Variants in NYAP2 observed in about 807,000 individuals in gnomAD.
NYAP2 encodes the protein neuronal tyrosine-phosphorylated phosphoinositide-3-kinase adaptor 2.
A neutral mutation model predicts 50.4 loss-of-function variants in NYAP2; 23 were observed. That is an observed-to-expected ratio of 0.46 (90% CI 0.33 to 0.65). The LOEUF is 0.65. Among genes scored for constraint, NYAP2 ranks in the 30% least tolerant of loss-of-function variants. The probability of loss-of-function intolerance (pLI) is 0.02; values close to 1 mark genes in which losing one functional copy is unlikely to be tolerated. For missense variants in NYAP2, 885 were observed against 861.0 expected (o/e 1.03, Z -0.35); for synonymous variants, 394 against 365.2 (o/e 1.08, Z -0.90).
At chr2:225,428,789 T>A (rs1357792792) in intron 3 of NYAP2, among the ~76,000 whole-genome samples, 1 of 152,186 alleles carries the variant, frequency 6.6e-6, no homozygotes, top group East Asian at 1.9e-4. Context: ...GGATTATTGA[T>A]CCACATACAC....
chr2:225,657,776 G>A (rs1260429733), downstream of NYAP2, among the ~76,000 whole-genome samples: 1 of 152,088 alleles, frequency 6.6e-6, no homozygotes, highest in African/African-American at 2.4e-5. Context: ...ATAGACCAGG[G>A]ACATTTTACC....
intron 4 of NYAP2, among the ~76,000 whole-genome samples, chr2:225,556,573 C>A (rs188699917): frequency 9.1e-4 from 138 of 152,218 alleles, no homozygotes; most frequent in African/African-American, 3.1e-3. Context: ...AAAGAGATGG[C>A]TTCTTAATTG....
intron 3 of NYAP2, among the ~76,000 whole-genome samples, chr2:225,446,508 A>G (rs1199413129): frequency 1.3e-5 from 2 of 152,000 alleles, no homozygotes; most frequent in Non-Finnish European, 2.9e-5. Context: ...AAGTGTTATG[A>G]AGTTGCATGA....
At chr2:225,698,022 T>A in the NYAP2 span, among the ~76,000 whole-genome samples, 21 of 151,592 alleles carry the variant, frequency 1.4e-4, no homozygotes, top group African/African-American at 2.7e-4. Flanking sequence ...AAATTTTTTT[T>A]AAAAAATTAG....
intron 5 of NYAP2, among the ~76,000 whole-genome samples, chr2:225,603,692 C>G (rs892945625): frequency 3.3e-5 from 5 of 152,144 alleles, no homozygotes; most frequent in African/African-American, 1.2e-4. Context: ...CTCACAAAGA[C>G]CTGAGCATCC....
chr2:225,516,591 A>G (rs1287944514), intron 4 of NYAP2, among the ~76,000 whole-genome samples: 1 of 152,098 alleles, frequency 6.6e-6, no homozygotes, highest in African/African-American at 2.4e-5. Context: ...AAAAGCAGAT[A>G]TATGCAAATC....
intron 3 of NYAP2, among the ~76,000 whole-genome samples, chr2:225,472,800 C>T (rs1559189151): frequency 2.0e-5 from 3 of 151,370 alleles, no homozygotes; most frequent in Non-Finnish European, 4.4e-5. Flanking sequence ...CTTTGATTTT[C>T]TTTTTTTTCT....
At chr2:225,514,282 A>C (rs181273665) in intron 4 of NYAP2, among the ~76,000 whole-genome samples, 101 of 152,322 alleles carry the variant, frequency 6.6e-4, no homozygotes, top group African/African-American at 2.3e-3. Flanking sequence ...AGATCTCACC[A>C]GCTCTTTAGG....
At chr2:225,489,065 G>A (rs1305730511) in intron 3 of NYAP2, among the ~76,000 whole-genome samples, 1 of 152,172 alleles carries the variant, frequency 6.6e-6, no homozygotes, top group Non-Finnish European at 1.5e-5. Context: ...ATGGTCAACT[G>A]AAATAATAGG....
chr2:225,545,965 G>A (rs1045362514), intron 4 of NYAP2, among the ~76,000 whole-genome samples: 1 of 152,142 alleles, frequency 6.6e-6, no homozygotes, highest in Non-Finnish European at 1.5e-5. Flanking sequence ...GGTGGTCTTG[G>A]ATAAGATCTG....
At chr2:225,403,064 T>A (rs920404727) in intron 2 of NYAP2, among the ~76,000 whole-genome samples, 2 of 151,954 alleles carry the variant, frequency 1.3e-5, no homozygotes, top group African/African-American at 4.8e-5. Context: ...TTTGAGTACA[T>A]GCAAAAGTTG....
chr2:225,538,777 CTTTT>C (rs1691397089), intron 4 of NYAP2, among the ~76,000 whole-genome samples: 1 of 122,884 alleles, frequency 8.1e-6, no homozygotes, highest in African/African-American at 3.1e-5. Flanking sequence ...CTTTTCTTTT[CTTTT>C]CTTTCTTTCT....
the NYAP2 span, among the ~76,000 whole-genome samples, chr2:225,684,480 A>C: frequency 0.31 from 45,263 of 147,368 alleles, 7,849 homozygotes; most frequent in South Asian, 0.48. Context: ...CCCAGCTCTC[A>C]CCTTTCTCTT....
chr2:225,658,344 G>A (rs911769405), downstream of NYAP2, among the ~76,000 whole-genome samples: 1 of 152,150 alleles, frequency 6.6e-6, no homozygotes, highest in African/African-American at 2.4e-5. Context: ...TACAACATCA[G>A]CATTATGTTT....
intron 2 of NYAP2, among the ~76,000 whole-genome samples, chr2:225,403,348 A>C (rs1694892974): frequency 6.6e-6 from 1 of 152,040 alleles, no homozygotes; most frequent in East Asian, 1.9e-4. Context: ...ATAAAAACAC[A>C]AATGTGAAGT....
chr2:225,406,285 G>C (rs939043163), intron 2 of NYAP2, among the ~76,000 whole-genome samples: 1 of 151,848 alleles, frequency 6.6e-6, no homozygotes. Flanking sequence ...CTTTTTACAT[G>C]TGGACAAGTA....
At chr2:225,570,455 C>A (rs1447339181) in intron 4 of NYAP2, among the ~76,000 whole-genome samples, 1 of 152,174 alleles carries the variant, frequency 6.6e-6, no homozygotes, top group Non-Finnish European at 1.5e-5. Context: ...ACTCACAGTT[C>A]TGCATGGCTG....
At chr2:225,438,918 G>C (rs537005722) in intron 3 of NYAP2, among the ~76,000 whole-genome samples, 1 of 152,322 alleles carries the variant, frequency 6.6e-6, no homozygotes, top group African/African-American at 2.4e-5. Flanking sequence ...AAGTACCCAA[G>C]TATAATGTGT....
At chr2:225,427,404 C>A (rs1020207780) in intron 3 of NYAP2, among the ~76,000 whole-genome samples, 1 of 152,202 alleles carries the variant, frequency 6.6e-6, no homozygotes, top group Non-Finnish European at 1.5e-5. Flanking sequence ...CAATCACAAT[C>A]CCAATGTCCG....
Sources: gnomAD v4.1 joint callset for allele counts (sites outside exome capture counted in the v4.1 genomes callset) on GRCh38, gnomAD v4.1.1 for gene constraint, MANE v1.5 for transcripts, NCBI Gene and HGNC (gene_info 2026-07-23, HGNC 2026-07-21) for gene names.